Variants in LIPT2 observed in about 807,000 individuals in gnomAD.
LIPT2 encodes octanoyl-[acyl-carrier-protein]:protein N-octanoyltransferase LIPT2, mitochondrial.
A neutral mutation model predicts 16.2 loss-of-function variants in LIPT2; 16 were observed. The observed-to-expected ratio is 0.99, with a 90% CI of 0.67 to 1.50. LIPT2 has a LOEUF of 1.50. Among genes scored for constraint, LIPT2 ranks in the 40% most tolerant of loss-of-function variants. LIPT2 has a pLI of 0.00. For missense variants in LIPT2, 424 were observed against 347.7 expected (o/e 1.22, Z -1.75); for synonymous variants, 199 against 169.3 (o/e 1.18, Z -1.36).
rs1394152263 is a variant in LIPT2, at chr11:74,492,035, T to C, written c.*100A>G. 2.3e-5 allele frequency: 18 copies of C among 797,976 alleles called. No homozygotes were observed. The East Asian group carries it at 4.8e-4, about 21-fold the overall frequency. The allele number at this position is 797,976 out of a possible 1,614,324, so 49.4% of individuals were successfully genotyped here. On this transcript the variant is annotated 3_prime_UTR_variant, in exon 2 of 2. Transcript: ENST00000310109. The stretch of plus-strand genomic sequence containing the variant: ...GGTATGTCCTTAGTTTCATGATCAG[T>C]GAATGACAGGCCAGGTCTAAAATCT...
Position 74,493,530 on chromosome 11 carries a change from C to T in LIPT2, c.174G>A (p.Thr58=), listed in dbSNP as rs1864403440. Residue 58 remains threonine, a synonymous_variant, in exon 1 of 2, where the codon ACG becomes ACA. Transcript: ENST00000310109. Reference sequence around the variant, plus strand: ...GCGTCAGGCCGCCGCGCAGCCCGGCCGTATACACGGGCCCCGCGGGCTCGC... The same window carrying T: ...GCGTCAGGCCGCCGCGCAGCCCGGCTGTATACACGGGCCCCGCGGGCTCGC... The part of the protein sequence containing the change: ...LLCEPAGPVY[T]AGLRGGLTPE... The T allele has an allele frequency of 1.4e-6, 2 of 1,420,708 alleles. No homozygotes were observed. The highest frequency in any genetic ancestry group is 1.8e-6 in the Non-Finnish European group (2 of 1,092,970). 88.0% of individuals were successfully genotyped at this position (1,420,708 alleles called of 1,614,324 possible). A position where few individuals can be genotyped will look rare whatever the true frequency, so the allele number is the denominator to read the frequency against.
In LIPT2 at chr11:74,493,434, G is replaced by T. The variant is rs533747475; in HGVS notation, c.270C>A (p.Thr90=). The change falls in exon 1 of 2, where the codon ACC becomes ACA. Residue 90 remains threonine (T), a synonymous_variant. Transcript: ENST00000310109. ...AAAGCAGCTGGCCCGGGCCGTGGAA[G>T]GTGGCCAGGCCACCGCGGCCTGTGA... The part of the protein sequence containing the change: ...VRVTGRGGLA[T]FHGPGQLLCH... The T allele has an allele frequency of 6.5e-4, 983 of 1,505,074 alleles. 4 individuals are homozygous for T. The African/African-American group carries it at 0.012, about 19-fold the overall frequency. 93.2% of individuals were successfully genotyped at this position (1,505,074 alleles called of 1,614,324 possible). A position where few individuals can be genotyped will look rare whatever the true frequency, so the allele number is the denominator to read the frequency against.
chr11:74,492,742 A>G (rs1864371334), intron 1 of LIPT2, among the ~76,000 whole-genome samples: 1 of 151,904 alleles, frequency 6.6e-6, no homozygotes, highest in Non-Finnish European at 1.5e-5. Context: ...CATCTCTACT[A>G]AAAATACAAA....
chr11:74,490,585 G>T lies in LIPT2; in HGVS notation c.*1550C>A, dbSNP rs1236965222. ...TATTAAAATTAACATCATAGACCAG[G>T]CATGGTGGCTCACACCTGTAATTCC... On this transcript the variant is annotated 3_prime_UTR_variant, in exon 2 of 2. Coordinates refer to ENST00000310109, the MANE Select transcript of LIPT2 (RefSeq NM_001144869.3). Among the ~76,000 whole-genome samples the T allele has an allele frequency of 6.6e-6, 1 of 152,102 alleles. No homozygotes were observed. The highest frequency in any genetic ancestry group is 1.9e-4 in the East Asian group (1 of 5,180).
chr11:74,491,832 G>A lies in LIPT2; in HGVS notation c.*303C>T, dbSNP rs1056225328. The stretch of plus-strand genomic sequence containing the variant: ...ATGACAATCTATGACATCAACAATC[G>A]AGAAATAACAATCTATGACATCTGA... On this transcript the variant is annotated 3_prime_UTR_variant, in exon 2 of 2. Transcript: ENST00000310109. 9.0e-6 allele frequency: 3 copies of A among 332,746 alleles called. No homozygotes were observed. The highest frequency in any genetic ancestry group is 2.1e-5 in the African/African-American group (1 of 48,032). The allele number at this position is 332,746 out of a possible 1,614,324, so 20.6% of individuals were successfully genotyped here.
At position 74,493,539 on chromosome 11, in the gene LIPT2, G is replaced by C. The variant is rs1215148745; in HGVS notation, c.165C>G (p.Pro55=). Residue 55 remains proline, a synonymous_variant, in exon 1 of 2, where the codon CCC becomes CCG. Coordinates refer to ENST00000310109, the MANE Select transcript of LIPT2 (RefSeq NM_001144869.3). The part of the protein sequence containing the change: ...GALLLCEPAG[P]VYTAGLRGGL... ...CGCCGCGCAGCCCGGCCGTATACAC[G>C]GGCCCCGCGGGCTCGCAGAGCAGGA... 1 of 1,417,226 alleles carries C rather than the reference G, an allele frequency of 7.1e-7. No individual in the cohort carries two copies. Among genetic ancestry groups the C allele is most frequent in the Non-Finnish European group, 9.2e-7 (1 of 1,090,562 alleles). 87.8% of individuals were successfully genotyped at this position (1,417,226 alleles called of 1,614,324 possible). A position where few individuals can be genotyped will look rare whatever the true frequency, so the allele number is the denominator to read the frequency against.
In LIPT2 at chr11:74,493,720, T is replaced by C. The variant is rs1864416525; in HGVS notation, c.-17A>G. On this transcript the variant is annotated 5_prime_UTR_variant, in exon 1 of 2. Coordinates refer to ENST00000310109, the MANE Select transcript of LIPT2 (RefSeq NM_001144869.3). ...TTGCCGCATCGTGCCCACCGTTGCG[T>C]CCGCGGGGCCCCGCCCTCTCCGTGG... The C allele has an allele frequency of 1.5e-6, 2 of 1,349,798 alleles. No individual in the cohort carries two copies. Among genetic ancestry groups the C allele is most frequent in the South Asian group, 1.8e-5 (1 of 54,388 alleles). 83.6% of individuals were successfully genotyped at this position (1,349,798 alleles called of 1,614,324 possible). A position where few individuals can be genotyped will look rare whatever the true frequency, so the allele number is the denominator to read the frequency against.
rs1864400885 is a variant in LIPT2 at position 74,493,470 on chromosome 11, G to A, written c.234C>T (p.Ala78=). The A allele has an allele frequency of 3.4e-6, 5 of 1,482,966 alleles. No homozygotes were observed. Among genetic ancestry groups the A allele is most frequent in the Admixed American group, 2.3e-5 (1 of 43,882 alleles). 91.9% of individuals were successfully genotyped at this position (1,482,966 alleles called of 1,614,324 possible). The change falls in exon 1 of 2, where the codon GCC becomes GCT. Residue 78 remains alanine, a synonymous_variant. Coordinates refer to ENST00000310109, the MANE Select transcript of LIPT2 (RefSeq NM_001144869.3). Reference sequence around the variant, plus strand: ...CACCGCGGCCTGTGACGCGCACCTCGGCGCCCAAGGCCCGTAGCCGCGCAG... The same window carrying A: ...CACCGCGGCCTGTGACGCGCACCTCAGCGCCCAAGGCCCGTAGCCGCGCAG... ...EETARLRALG[A]EVRVTGRGGL... is the part of the protein sequence containing the mutation.
In LIPT2 at chr11:74,492,366, T is replaced by C; in HGVS notation, c.467-2A>G. 1.3e-6 allele frequency: 2 copies of C among 1,549,390 alleles called. No individual in the cohort carries two copies. Among genetic ancestry groups the C allele is most frequent in the South Asian group, 1.2e-5 (1 of 84,010 alleles). ...TGATGTGCCTTCCACAGCGGACTCC[T>C]GCAAGGCAAGCCAAAGGGTCTTAGA... On this transcript the variant is annotated splice_acceptor_variant, in intron 1 of 1. Coordinates refer to ENST00000310109, the MANE Select transcript of LIPT2 (RefSeq NM_001144869.3). LOFTEE classifies it high-confidence loss of function.
chr11:74,492,162 T>C lies in LIPT2; in HGVS notation c.669A>G (p.Thr223=). The change falls in exon 2 of 2, where the codon ACA becomes ACG. Residue 223 remains threonine (T), a synonymous_variant. Transcript: ENST00000310109. ...LVAFKEIYKC[T]LISEDSPN ...AGTTGGGGCTGTCCTCTGAGATCAG[T>C]GTGCACTTGTAGATCTCCTTAAAGG... The C allele has an allele frequency of 1.9e-6, 3 of 1,551,490 alleles. No individual in the cohort carries two copies. Among genetic ancestry groups the C allele is most frequent in the Non-Finnish European group, 2.6e-6 (3 of 1,146,820 alleles).
rs1864415350 is a variant in LIPT2 at position 74,493,700 on chromosome 11, G to A, written c.4C>T (p.Arg2Trp). The change falls in exon 1 of 2, where the codon CGG becomes TGG. Residue 2 changes from arginine (R) to tryptophan (W), a missense_variant. Physicochemically the swap from Arg to Trp is moderately radical, Grantham distance 101. Coordinates refer to ENST00000310109, the MANE Select transcript of LIPT2 (RefSeq NM_001144869.3). Reference sequence around the variant, plus strand: ...CGCACCAACCGAACGGCGGGTTGCCGCATCGTGCCCACCGTTGCGTCCGCG... The same window carrying A: ...CGCACCAACCGAACGGCGGGTTGCCACATCGTGCCCACCGTTGCGTCCGCG... M[R>W]QPAVRLVRLG... 1 of 1,377,014 alleles carries A rather than the reference G, an allele frequency of 7.3e-7. No individual in the cohort carries two copies. The highest frequency in any genetic ancestry group is 9.3e-7 in the Non-Finnish European group (1 of 1,071,134). 85.3% of individuals were successfully genotyped at this position (1,377,014 alleles called of 1,614,324 possible).
At position 74,493,704 on chromosome 11, in the gene LIPT2, C is replaced by G. The variant is rs1337535410; in HGVS notation, c.-1G>C. The stretch of plus-strand genomic sequence containing the variant: ...CCAACCGAACGGCGGGTTGCCGCAT[C>G]GTGCCCACCGTTGCGTCCGCGGGGC... On this transcript the variant is annotated 5_prime_UTR_variant, in exon 1 of 2. Transcript: ENST00000310109. 1 of 1,365,472 alleles carries G rather than the reference C, an allele frequency of 7.3e-7. No homozygotes were observed. The allele number at this position is 1,365,472 out of a possible 1,614,324, so 84.6% of individuals were successfully genotyped here. A position where few individuals can be genotyped will look rare whatever the true frequency, so the allele number is the denominator to read the frequency against.
In LIPT2 at chr11:74,493,260, G is replaced by C; in HGVS notation, c.444C>G (p.Asp148Glu). 2 of 1,366,486 alleles carry C rather than the reference G, an allele frequency of 1.5e-6. No homozygotes were observed. Among genetic ancestry groups the C allele is most frequent in the Non-Finnish European group, 1.9e-6 (2 of 1,060,632 alleles). 84.6% of individuals were successfully genotyped at this position (1,366,486 alleles called of 1,614,324 possible). ...CACCGATCGCGCAGATCTTGCGATCGTCTAGCCAGACGCCAGTGTAGGGCG... is the reference window on the plus strand; with the variant it reads ...CACCGATCGCGCAGATCTTGCGATCCTCTAGCCAGACGCCAGTGTAGGGCG... ...RPPPYTGVWLDDRKICAIGVR... is the reference protein window; with the variant it reads ...RPPPYTGVWLEDRKICAIGVR... Residue 148 changes from aspartate to glutamate, a missense_variant, in exon 1 of 2, where the codon GAC becomes GAG. Asp to Glu is a conservative substitution (Grantham distance 45, BLOSUM62 2). Coordinates refer to ENST00000310109, the MANE Select transcript of LIPT2 (RefSeq NM_001144869.3).
At chr11:74,492,772 T>C (rs1345578900) in intron 1 of LIPT2, among the ~76,000 whole-genome samples, 5 of 151,608 alleles carry the variant, frequency 3.3e-5, no homozygotes, top group African/African-American at 4.8e-5. Context: ...GGGCTGGTGG[T>C]GGGCGCCTGT....
rs1195828327 is a variant in LIPT2 at position 74,491,462 on chromosome 11, C to G, written c.*673G>C. Among the ~76,000 whole-genome samples, 5 of 152,224 alleles carry G rather than the reference C, an allele frequency of 3.3e-5. No homozygotes were observed. The East Asian group carries it at 9.6e-4, about 29-fold the overall frequency. ...CGCAGCCTTACAAATTTAGAGGTCT[C>G]ATATAAGAAAAACTCACTTCTATCT... On this transcript the variant is annotated 3_prime_UTR_variant, in exon 2 of 2. Transcript: ENST00000310109.
rs115657675 is a variant in LIPT2, at chr11:74,491,803, A to G, written c.*332T>C. 205 of 290,952 alleles carry G rather than the reference A, an allele frequency of 7.0e-4. 1 individual carries two copies. The highest frequency in any genetic ancestry group is 4.3e-3 in the African/African-American group (200 of 46,744). The allele number at this position is 290,952 out of a possible 1,614,324, so 18.0% of individuals were successfully genotyped here. ...CACAGTATTGAGGAAGCAACAATTG[A>G]GAAATGACAATCTATGACATCAACA... On this transcript the variant is annotated 3_prime_UTR_variant, in exon 2 of 2. Transcript: ENST00000310109.
rs1416248123 is a variant in LIPT2, at chr11:74,492,257, C to T, written c.574G>A (p.Val192Ile). The T allele has an allele frequency of 2.6e-6, 4 of 1,551,712 alleles. No individual in the cohort carries two copies. The highest frequency in any genetic ancestry group is 2.6e-6 in the Non-Finnish European group (3 of 1,146,978). ...IVPCGLVGTGVTSLSKELQRH... is the reference protein window; with the variant it reads ...IVPCGLVGTGITSLSKELQRH... The stretch of plus-strand genomic sequence containing the variant: ...TGGAGCTCCTTACTCAAGGAAGTGA[C>T]GCCTGTCCCAACCAGTCCACAGGGC... Residue 192 changes from valine (V) to isoleucine (I), a missense_variant, in exon 2 of 2, where the codon GTC (valine) becomes ATC (isoleucine). By Grantham distance (29) the Val-to-Ile change is conservative. Coordinates refer to ENST00000310109, the MANE Select transcript of LIPT2 (RefSeq NM_001144869.3).
intron 1 of LIPT2, 78 bp from the exon 2 acceptor site, chr11:74,492,442 A>C (rs1040276185): frequency 1.1e-6 from 1 of 916,492 alleles, no homozygotes; most frequent in African/African-American, 1.6e-5. Context: ...GGGCGATGAG[A>C]AAACTGGATT....
intron 1 of LIPT2, among the ~76,000 whole-genome samples, chr11:74,492,677 G>A (rs967882700): frequency 6.6e-6 from 1 of 151,752 alleles, no homozygotes; most frequent in Admixed American, 6.6e-5. Context: ...AGGCCGAGGC[G>A]GGCGGATCAC....
Sources: allele counts gnomAD v4.1 joint callset (sites outside exome capture counted in the v4.1 genomes callset), GRCh38; gene constraint gnomAD v4.1.1; transcripts MANE v1.5; gene names NCBI Gene and HGNC (gene_info 2026-07-23, HGNC 2026-07-21).